The following NF1 variants were observed in gnomAD, a reference collection of about 807,000 sequenced individuals.
NF1 encodes the protein neurofibromin 1, also known as neurofibromin.
NF1 carries 122 observed loss-of-function variants against 325.7 expected under a neutral mutation model. The ratio of observed to expected loss-of-function variants is 0.37; its 90% CI spans 0.32 to 0.44. NF1 has a LOEUF of 0.44. Among genes scored for constraint, NF1 ranks in the 20% least tolerant of loss-of-function variants. The pLI, the probability that NF1 is intolerant of heterozygous loss-of-function variation, is 1.00. For missense variants in NF1, 2,140 were observed against 3,415.4 expected (o/e 0.63, Z 9.31); for synonymous variants, 1,091 against 1,186.0 (o/e 0.92, Z 1.65).
At chr17:31,223,618 G>A (rs774368569) in intron 16 of NF1, 51 bp downstream of exon 16, 6 of 1,565,112 alleles carry the variant, frequency 3.8e-6, no homozygotes, top group East Asian at 2.3e-5. Flanking sequence ...GAATGGTAAT[G>A]GTGAGAGATT....
chr17:31,223,305 T>C (rs2066959013), intron 15 of NF1, 139 bp from the exon 16 acceptor site: 1 of 995,596 alleles, frequency 1.0e-6, no homozygotes, highest in Non-Finnish European at 1.5e-6. Context: ...CTTTGATAAC[T>C]GTTTCTCTAA....
intron 36 of NF1, chr17:31,278,118 TAAAAAACAA>T (rs993290303): frequency 1.3e-5 from 2 of 152,174 alleles, no homozygotes; most frequent in African/African-American, 2.4e-5. Context: ...ACCTTGTCTC[TAAAAAACAA>T]AAATTAAGTT....
chr17:31,118,366 C>T (rs888337892), intron 1 of NF1, among the ~76,000 whole-genome samples: 3 of 151,610 alleles, frequency 2.0e-5, no homozygotes, highest in African/African-American at 4.9e-5. Flanking sequence ...TAGCTATACT[C>T]GTGCCATGGT....
At chr17:31,192,038 C>A (rs530675654) in intron 8 of NF1, among the ~76,000 whole-genome samples, 2 of 152,212 alleles carry the variant, frequency 1.3e-5, no homozygotes, top group East Asian at 3.9e-4. Context: ...AAATGTTTTT[C>A]CAGTCACCTG....
At chr17:31,120,233 A>G (rs1015850284) in intron 1 of NF1, among the ~76,000 whole-genome samples, 10 of 152,298 alleles carry the variant, frequency 6.6e-5, no homozygotes, top group African/African-American at 2.2e-4. Flanking sequence ...GATTCTTCCT[A>G]TTCATGAGCA....
intron 36 of NF1, among the ~76,000 whole-genome samples, chr17:31,298,414 A>G (rs1312021098): frequency 6.6e-6 from 1 of 152,102 alleles, no homozygotes; most frequent in Non-Finnish European, 1.5e-5. Context: ...ATGTGTAAGG[A>G]AAGTCTCTTT....
At position 31,263,149 on chromosome 17, in the gene NF1, AAGAT is replaced by A. The variant is rs1378591363; in HGVS notation, c.4724+1301_4724+1304del. Reference sequence around the variant, plus strand: ...TAAGATAAGATAAGATAAGATAGATAAGATAGATAGATTGGGCACAGTGGCTCAT... The same window carrying A: ...TAAGATAAGATAAGATAAGATAGATAAGATAGATTGGGCACAGTGGCTCAT... On this transcript the variant is annotated intron_variant, in intron 35 of 57. Transcript: ENST00000358273. Among the ~76,000 whole-genome samples the A allele has an allele frequency of 5.9e-5, 9 of 151,648 alleles. No homozygotes were observed. In the East Asian group the frequency reaches 1.3e-3, roughly 23 times the overall value.
rs529905904 is a variant in NF1 at position 31,327,529 on chromosome 17, G to C, written c.5299G>C (p.Ala1767Pro). 1.2e-6 allele frequency: 2 copies of C among 1,613,932 alleles called. No individual in the cohort carries two copies. Among genetic ancestry groups the C allele is most frequent in the Non-Finnish European group, 1.7e-6 (2 of 1,180,030 alleles). Reference sequence around the variant, plus strand: ...TTCTACTGCTGTCCAAGTAACTTCAGCAGAGCGAACAAAAGTCCTAGGGCA... The same window carrying C: ...TTCTACTGCTGTCCAAGTAACTTCACCAGAGCGAACAAAAGTCCTAGGGCA... ...VGSTAVQVTSAERTKVLGQSV... is the reference protein window; with the variant it reads ...VGSTAVQVTSPERTKVLGQSV... Residue 1767 changes from alanine (A) to proline (P), a missense_variant, in exon 38 of 58, where the codon GCA becomes CCA. By Grantham distance (27) the Ala-to-Pro change is conservative. Transcript: ENST00000358273.
rs544476647 is a variant in NF1, at chr17:31,337,800, A to G, written c.6643-19A>G. ...AAACATTTATGTACAATATGTATTC[A>G]GAGTATCCCCTTTTTTAGGCATGCA... is the stretch of plus-strand genomic sequence containing the variant. On this transcript the variant is annotated intron_variant, in intron 43 of 57. Coordinates refer to ENST00000358273, the MANE Select transcript of NF1 (RefSeq NM_001042492.3). 1.1e-5 allele frequency: 17 copies of G among 1,612,256 alleles called. No individual in the cohort carries two copies. The African/African-American group carries it at 2.0e-4, about 19-fold the overall frequency.
At chr17:31,356,751 T>C (rs1438322348) in intron 52 of NF1, 169 bp downstream of exon 52, 1 of 1,194,226 alleles carries the variant, frequency 8.4e-7, no homozygotes, top group Non-Finnish European at 1.2e-6. Context: ...TTGAAGCTTG[T>C]GTAAAAATTA....
intron 8 of NF1, 127 bp from the exon 9 acceptor site, chr17:31,200,295 C>A: frequency 7.6e-6 from 6 of 792,172 alleles, no homozygotes; most frequent in South Asian, 3.6e-5. Context: ...AATTGAAAAC[C>A]ACAAATATAA....
intron 57 of NF1, among the ~76,000 whole-genome samples, chr17:31,363,734 CAT>C (rs1491166825): frequency 7.0e-6 from 1 of 143,258 alleles, no homozygotes; most frequent in Non-Finnish European, 1.5e-5. Context: ...CTGCGCCCAG[CAT>C]TTTTTTTTTT....
At chr17:31,176,725 T>G (rs2066029170) in intron 5 of NF1, among the ~76,000 whole-genome samples, 1 of 152,240 alleles carries the variant, frequency 6.6e-6, no homozygotes, top group Non-Finnish European at 1.5e-5. Flanking sequence ...TTTCTGCATA[T>G]GGCTAGCCAG....
intron 36 of NF1, chr17:31,305,015 T>G (rs2068673488): frequency 6.2e-7 from 1 of 1,614,170 alleles, no homozygotes; most frequent in East Asian, 2.2e-5. Flanking sequence ...GAATTATAAT[T>G]GTTTTTTTGT....
intron 1 of NF1, among the ~76,000 whole-genome samples, chr17:31,150,902 G>C (rs1393158586): frequency 6.6e-6 from 1 of 152,028 alleles, no homozygotes; most frequent in Non-Finnish European, 1.5e-5. Flanking sequence ...GGCAATGGTG[G>C]TGCATGCCTT....
chr17:31,125,835 C>G (rs1368258874), intron 1 of NF1, among the ~76,000 whole-genome samples: 3 of 152,160 alleles, frequency 2.0e-5, no homozygotes. Flanking sequence ...TGCGCCTGGC[C>G]ACCAAATTAT....
intron 36 of NF1, among the ~76,000 whole-genome samples, chr17:31,287,325 A>G (rs181792489): frequency 6.6e-6 from 1 of 152,368 alleles, no homozygotes; most frequent in African/African-American, 2.4e-5. Context: ...CACCTTCTGG[A>G]GTATATGTTC....
chr17:31,352,504 A>G (rs1597862413), intron 51 of NF1, 90 bp downstream of exon 51: 2 of 1,320,068 alleles, frequency 1.5e-6, no homozygotes, highest in Non-Finnish European at 1.0e-6. Context: ...TTTCAGGATT[A>G]TCAAAATTTT....
chr17:31,322,964 A>G (rs1290368037), intron 36 of NF1, among the ~76,000 whole-genome samples: 1 of 152,180 alleles, frequency 6.6e-6, no homozygotes, highest in Non-Finnish European at 1.5e-5. Context: ...AATCCTTCTT[A>G]TATCTTGTAT....
Sources: allele counts gnomAD v4.1 joint callset (sites outside exome capture counted in the v4.1 genomes callset), GRCh38; gene constraint gnomAD v4.1.1; transcripts MANE v1.5; gene names NCBI Gene and HGNC (gene_info 2026-07-23, HGNC 2026-07-21).